The following LMX1B variants were observed in gnomAD, a reference collection of about 807,000 sequenced individuals.
The protein encoded by LMX1B is LIM homeobox transcription factor 1-beta.
A neutral mutation model predicts 51.4 loss-of-function variants in LMX1B; 12 were observed. That is an observed-to-expected ratio of 0.23 (90% CI 0.15 to 0.38). The LOEUF (loss-of-function observed/expected upper bound fraction) is 0.38, where lower values mean the gene tolerates loss of function less well. Ranked by LOEUF, LMX1B falls within the 10% of genes least tolerant of loss-of-function variation. The pLI is 1.00. For missense variants in LMX1B, 445 were observed against 571.1 expected (o/e 0.78, Z 2.25); for synonymous variants, 237 against 235.4 (o/e 1.01, Z -0.06).
chr9:126,621,342 G>A (rs971175597), intron 2 of LMX1B, among the ~76,000 whole-genome samples: 1 of 152,224 alleles, frequency 6.6e-6, no homozygotes, highest in African/African-American at 2.4e-5. Flanking sequence ...TGACCCAGCC[G>A]GAAGTTCCTC....
Position 126,695,932 on chromosome 9 carries a change from A to T in LMX1B, c.980A>T (p.Tyr327Phe). 1 of 1,613,278 alleles carries T rather than the reference A, an allele frequency of 6.2e-7. No homozygotes were observed. Among genetic ancestry groups the T allele is most frequent in the Non-Finnish European group, 8.5e-7 (1 of 1,179,754 alleles). The change falls in exon 7 of 8, where the codon TAC (tyrosine) becomes TTC (phenylalanine). Residue 327 changes from tyrosine to phenylalanine, a missense_variant. This residue lies in a region of LMX1B where 162 missense variants were observed against 187.8 expected (regional missense o/e 0.86). Coordinates refer to ENST00000373474, the MANE Select transcript of LMX1B (RefSeq NM_001174147.2). This position sits in a 1 kb window ranked among gnomAD's most constrained non-coding sequence, Gnocchi z 5.2. ...QQIVAMEQSPYGSSDPFQQGL... is the reference protein window; with the variant it reads ...QQIVAMEQSPFGSSDPFQQGL... The stretch of plus-strand genomic sequence containing the variant: ...ATCGTGGCCATGGAACAGAGCCCCT[A>T]CGGCAGCAGCGACCCCTTCCAGCAG...
chr9:126,662,833 G>A (rs943924920), intron 2 of LMX1B, among the ~76,000 whole-genome samples: 1 of 152,224 alleles, frequency 6.6e-6, no homozygotes, highest in South Asian at 2.1e-4. Context: ...TCCAGGTGGG[G>A]CTGTGCCACC....
Position 126,693,603 on chromosome 9 carries a change from T to C in LMX1B, c.819+2T>C. On this transcript the variant is annotated splice_donor_variant, in intron 5 of 7. Transcript: ENST00000373474. LOFTEE classifies it high-confidence loss of function. ...TGGTTTCAGAACCAAAGAGCAAAGG[T>C]AAGAGGCCACCCCCCATCCCCACTG... 6.2e-7 allele frequency: 1 copy of C among 1,613,550 alleles called. No individual in the cohort carries two copies.
chr9:126,686,379 T>C (rs529464197), intron 2 of LMX1B, among the ~76,000 whole-genome samples: 6 of 152,118 alleles, frequency 3.9e-5, no homozygotes, highest in Admixed American at 2.6e-4. Context: ...CCTTATGAGT[T>C]TAATAAATTG....
At chr9:126,624,869 G>GA (rs1276735890) in intron 2 of LMX1B, among the ~76,000 whole-genome samples, 2 of 152,140 alleles carry the variant, frequency 1.3e-5, no homozygotes, top group Non-Finnish European at 2.9e-5. Context: ...CAGCAACGGG[G>GA]AAAGGCGAGC....
At chr9:126,650,361 G>A (rs1835977038) in intron 2 of LMX1B, among the ~76,000 whole-genome samples, 1 of 152,234 alleles carries the variant, frequency 6.6e-6, no homozygotes, top group Non-Finnish European at 1.5e-5. Context: ...CGAGACCAGA[G>A]CTGCAGCTCT....
At chr9:126,692,093 C>T (rs893453127) in intron 3 of LMX1B, among the ~76,000 whole-genome samples, 8 of 152,224 alleles carry the variant, frequency 5.3e-5, no homozygotes, top group African/African-American at 1.9e-4. Flanking sequence ...CCTCCGGCAA[C>T]AGGATCTGCC....
At chr9:126,684,461 A>G (rs1836737089) in intron 2 of LMX1B, among the ~76,000 whole-genome samples, 2 of 152,162 alleles carry the variant, frequency 1.3e-5, no homozygotes, top group Non-Finnish European at 2.9e-5. Flanking sequence ...CAGATTCTCA[A>G]TTACCAGGGA....
At position 126,614,037 on chromosome 9, in the gene LMX1B, G is replaced by A. The variant is rs1474601510; in HGVS notation, c.-413G>A. Among the ~76,000 whole-genome samples, 50 of 117,438 alleles carry A rather than the reference G, an allele frequency of 4.3e-4. No homozygotes were observed. Among genetic ancestry groups the A allele is most frequent in the Non-Finnish European group, 7.9e-4 (41 of 52,096 alleles). 77.0% of individuals were successfully genotyped at this position (117,438 alleles called of 152,430 possible). A position where few individuals can be genotyped will look rare whatever the true frequency, so the allele number is the denominator to read the frequency against. Reference sequence around the variant, plus strand: ...GCTGCGCCCCGCCCGGGACCCCGCTGCGCCGCGCGCCCCCCCCGCGGCCCG... The same window carrying A: ...GCTGCGCCCCGCCCGGGACCCCGCTACGCCGCGCGCCCCCCCCGCGGCCCG... On this transcript the variant is annotated 5_prime_UTR_variant, in exon 1 of 8. Transcript: ENST00000373474.
At chr9:126,616,445 T>G (rs893634025) in intron 2 of LMX1B, among the ~76,000 whole-genome samples, 1 of 152,204 alleles carries the variant, frequency 6.6e-6, no homozygotes, top group South Asian at 2.1e-4. Context: ...GGCTTTTTCT[T>G]TTGACCTCCT....
chr9:126,686,006 G>A (rs1196154099), intron 2 of LMX1B, among the ~76,000 whole-genome samples: 1 of 152,142 alleles, frequency 6.6e-6, no homozygotes, highest in Non-Finnish European at 1.5e-5. Context: ...ACATTAGGAA[G>A]CCAATGTTAC....
intron 2 of LMX1B, among the ~76,000 whole-genome samples, chr9:126,683,953 C>T (rs1229846960): frequency 6.6e-6 from 1 of 152,166 alleles, no homozygotes; most frequent in Non-Finnish European, 1.5e-5. Flanking sequence ...CTGTGCCTCT[C>T]TGCTTGCCCA....
chr9:126,623,935 A>G (rs1414136291), intron 2 of LMX1B, among the ~76,000 whole-genome samples: 2 of 152,166 alleles, frequency 1.3e-5, no homozygotes, highest in East Asian at 3.9e-4. Context: ...TTCGTGCAGC[A>G]TGTTCTTTAC....
intron 2 of LMX1B, among the ~76,000 whole-genome samples, chr9:126,616,010 G>A (rs1010507278): frequency 2.6e-5 from 4 of 152,208 alleles, no homozygotes; most frequent in African/African-American, 7.2e-5. Context: ...GCCAGGAGGT[G>A]GAGTGCTGGG....
intron 2 of LMX1B, among the ~76,000 whole-genome samples, chr9:126,689,578 G>A (rs1032262433): frequency 9.8e-5 from 15 of 152,344 alleles, no homozygotes; most frequent in African/African-American, 3.6e-4. Context: ...TTCCCACAGA[G>A]CAGGACACGT....
intron 2 of LMX1B, among the ~76,000 whole-genome samples, chr9:126,651,379 G>A (rs1318565992): frequency 6.6e-6 from 1 of 151,642 alleles, no homozygotes; most frequent in Non-Finnish European, 1.5e-5. Flanking sequence ...ATCCTCCTCA[G>A]CAGGCAGCTG....
At position 126,696,577 on chromosome 9, in the gene LMX1B, T is replaced by C; in HGVS notation, c.*126T>C. On this transcript the variant is annotated 3_prime_UTR_variant, in exon 8 of 8. Transcript: ENST00000373474. ...CAGACAGCCATACGGTGCCCTCCCC[T>C]CGGCCAGCTGGGCCTGACCACTGTG... 8.7e-7 allele frequency: 1 copy of C among 1,150,666 alleles called. No homozygotes were observed. The highest frequency in any genetic ancestry group is 1.9e-5 in the Admixed American group (1 of 53,398). 71.3% of individuals were successfully genotyped at this position (1,150,666 alleles called of 1,614,324 possible).
At chr9:126,659,206 A>G (rs1000796183) in intron 2 of LMX1B, among the ~76,000 whole-genome samples, 1 of 152,190 alleles carries the variant, frequency 6.6e-6, no homozygotes, top group Non-Finnish European at 1.5e-5. Flanking sequence ...GCTTCAGGCA[A>G]CTCATGCCCC....
chr9:126,668,299 G>C (rs1190876540), intron 2 of LMX1B, among the ~76,000 whole-genome samples: 1 of 152,004 alleles, frequency 6.6e-6, no homozygotes, highest in Admixed American at 6.6e-5. Flanking sequence ...AGCGCTTACT[G>C]TCTCATCACA....
Sources: allele counts gnomAD v4.1 joint callset (sites outside exome capture counted in the v4.1 genomes callset), GRCh38; gene constraint gnomAD v4.1.1; regional missense constraint gnomAD v4.1.1; non-coding constraint Gnocchi (gnomAD v3.1); transcripts MANE v1.5; gene names NCBI Gene and HGNC (gene_info 2026-07-23, HGNC 2026-07-21).